The following ING5 variants were observed in gnomAD, a reference collection of about 807,000 sequenced individuals.
The protein encoded by ING5 is inhibitor of growth family member 5, also known as inhibitor of growth protein 5.
ING5 carries 17 observed loss-of-function variants against 37.4 expected under a neutral mutation model. That is an observed-to-expected ratio of 0.45 (90% CI 0.31 to 0.68). ING5 has a LOEUF of 0.68. Among genes scored for constraint, ING5 ranks in the 30% least tolerant of loss-of-function variants. ING5 has a pLI of 0.05. For missense variants in ING5, 233 were observed against 311.9 expected, an observed-to-expected ratio of 0.75 and a Z score of 1.91; for synonymous variants, 123 against 116.6, an observed-to-expected ratio of 1.06 and a Z score of -0.36.
In ING5 at chr2:241,725,992, G is replaced by A. The variant is rs1691608460; in HGVS notation, c.*961G>A. 1 of 152,634 alleles carries A rather than the reference G, an allele frequency of 6.6e-6. No homozygotes were observed. The highest frequency in any genetic ancestry group is 1.5e-5 in the Non-Finnish European group (1 of 68,032). 9.5% of individuals were successfully genotyped at this position (152,634 alleles called of 1,614,324 possible). A position where few individuals can be genotyped will look rare whatever the true frequency, so the allele number is the denominator to read the frequency against. Reference sequence around the variant, plus strand: ...AATAGCAGTTCTGGAATGAAGCTAGGAAACTCGAGTGTGCTTTTTGTTTAA... The same window carrying A: ...AATAGCAGTTCTGGAATGAAGCTAGAAAACTCGAGTGTGCTTTTTGTTTAA... On this transcript the variant is annotated 3_prime_UTR_variant, in exon 8 of 8. Coordinates refer to ENST00000313552, the MANE Select transcript of ING5 (RefSeq NM_032329.6).
At chr2:241,691,464 A>C (rs1296452987) in intron 2 of ING5, among the ~76,000 whole-genome samples, 3 of 151,824 alleles carry the variant, frequency 2.0e-5, no homozygotes, top group African/African-American at 7.3e-5. Context: ...AAACAAAAAA[A>C]CTGAAGGAGC....
chr2:241,722,179 C>T (rs914522137), intron 5 of ING5: 19 of 985,238 alleles, frequency 1.9e-5, no homozygotes, highest in Admixed American at 1.8e-4. Flanking sequence ...GTTGACTGTG[C>T]GGGCTGCTCT....
At chr2:241,711,945 A>G (rs1302238167) in intron 4 of ING5, 33 bp from the exon 5 acceptor site, 6 of 1,524,820 alleles carry the variant, frequency 3.9e-6, no homozygotes, top group Admixed American at 4.5e-5. Flanking sequence ...AGAGAATTCT[A>G]TAAAAATAAT....
In ING5 at chr2:241,691,629, A is replaced by G. The variant is rs563638586; in HGVS notation, c.43+976A>G. ...ATAGGCATTTATTGGCTGGAAGTCCAAGATTAAGGTGCCCGACAGATTGCT... is the reference window on the plus strand; with the variant it reads ...ATAGGCATTTATTGGCTGGAAGTCCGAGATTAAGGTGCCCGACAGATTGCT... On this transcript the variant is annotated intron_variant, in intron 2 of 7. Coordinates refer to the ING5 transcript ENST00000636051. Among the ~76,000 whole-genome samples the G allele has an allele frequency of 1.2e-3, 180 of 152,276 alleles. 1 individual carries two copies. Among genetic ancestry groups the G allele is most frequent in the African/African-American group, 4.0e-3 (168 of 41,558 alleles).
chr2:241,699,008 G>T (rs189146786), upstream of ING5, among the ~76,000 whole-genome samples: 1 of 145,264 alleles, frequency 6.9e-6, no homozygotes, highest in Non-Finnish European at 1.5e-5. Context: ...GATTACAGGC[G>T]TGAGCCACCA....
chr2:241,708,029 C>T (rs2069978374), intron 2 of ING5, among the ~76,000 whole-genome samples: 1 of 152,148 alleles, frequency 6.6e-6, no homozygotes, highest in South Asian at 2.1e-4. Flanking sequence ...TCCTGAGTAG[C>T]TGGGACCATA....
chr2:241,702,161 C>G (rs929218396), intron 1 of ING5, 59 bp downstream of exon 1: 6 of 1,079,364 alleles, frequency 5.6e-6, no homozygotes, highest in Non-Finnish European at 4.6e-6. Context: ...CGTGCCGCAG[C>G]CCCCCGCGCG....
At chr2:241,712,245 G>A in intron 5 of ING5, 174 bp downstream of exon 5, 1 of 578,360 alleles carries the variant, frequency 1.7e-6, no homozygotes. Context: ...AGCCTTTGAG[G>A]GGGTGCCGTT....
intron 2 of ING5, 122 bp from the exon 3 acceptor site, chr2:241,709,094 G>GGGACAGCACAGGCTGACAC: frequency 9.7e-7 from 1 of 1,036,002 alleles, no homozygotes; most frequent in Non-Finnish European, 1.4e-6. Context: ...AGCACAGCGT[G>GGGACAGCACAGGCTGACAC]AGTTCATGTC....
chr2:241,693,718 C>T (rs188554544), intron 2 of ING5, among the ~76,000 whole-genome samples: 5 of 126,570 alleles, frequency 4.0e-5, no homozygotes, highest in African/African-American at 1.2e-4. Flanking sequence ...AGTGCAATGG[C>T]GCAGTCTCGG....
Position 241,709,219 on chromosome 2 carries a change from A to G in ING5, c.113A>G (p.Lys38Arg). ...TTTTCCCCCATTTCTCCATCAGATAAGAAAGCAGAGATTGACATCCTGGCT... is the reference window on the plus strand; with the variant it reads ...TTTTCCCCCATTTCTCCATCAGATAGGAAAGCAGAGATTGACATCCTGGCT... ...MRELDQRTEDKKAEIDILAAE... is the reference protein window; with the variant it reads ...MRELDQRTEDRKAEIDILAAE... Residue 38 changes from lysine to arginine, a missense_variant, in exon 3 of 8, where the codon AAG becomes AGG. By Grantham distance (26) the Lys-to-Arg change is conservative. This residue lies in a region of ING5 where 93 missense variants were observed against 99.7 expected (regional missense o/e 0.93). Coordinates refer to ENST00000313552, the MANE Select transcript of ING5 (RefSeq NM_032329.6). 6.2e-7 allele frequency: 1 copy of G among 1,610,434 alleles called. No individual in the cohort carries two copies. The highest frequency in any genetic ancestry group is 8.5e-7 in the Non-Finnish European group (1 of 1,177,860).
chr2:241,708,852 A>G (rs530509128), intron 2 of ING5, among the ~76,000 whole-genome samples: 50 of 152,150 alleles, frequency 3.3e-4, no homozygotes, highest in African/African-American at 1.2e-3. Flanking sequence ...TTCTTTCTTG[A>G]CTGCTCTACC....
intron 5 of ING5, among the ~76,000 whole-genome samples, chr2:241,718,297 C>T (rs1377986959): frequency 4.0e-5 from 6 of 150,336 alleles, no homozygotes; most frequent in East Asian, 2.0e-4. Context: ...TCTTTCTTTC[C>T]TTCCTTCCTT....
intron 5 of ING5, among the ~76,000 whole-genome samples, chr2:241,714,761 G>T (rs753259395): frequency 6.6e-6 from 1 of 151,896 alleles, no homozygotes; most frequent in Non-Finnish European, 1.5e-5. Flanking sequence ...GCGCCACTAT[G>T]CCTGGCTAAT....
In ING5 at chr2:241,728,550, C is replaced by G. The variant is rs1691709324; in HGVS notation, c.*3519C>G. 6.5e-6 allele frequency: 1 copy of G among 152,722 alleles called. No homozygotes were observed. The highest frequency in any genetic ancestry group is 2.4e-5 in the African/African-American group (1 of 41,468). 9.5% of individuals were successfully genotyped at this position (152,722 alleles called of 1,614,324 possible). A position where few individuals can be genotyped will look rare whatever the true frequency, so the allele number is the denominator to read the frequency against. ...AGGAAATCCTGTAGGGGAAGGCAGG[C>G]TGCAGTGAAAACAGGAGCTGGTGAA... On this transcript the variant is annotated 3_prime_UTR_variant, in exon 8 of 8. Coordinates refer to ENST00000313552, the MANE Select transcript of ING5 (RefSeq NM_032329.6).
Position 241,709,191 on chromosome 2 carries a change from A to G in ING5, c.110-25A>G, listed in dbSNP as rs376063287. 1.4e-5 allele frequency: 23 copies of G among 1,600,656 alleles called. No homozygotes were observed. In the African/African-American group the frequency reaches 2.7e-4, roughly 19 times the overall value. ...ACATCATGGTGTCTTGTGCAGGGCT[A>G]GCTTTTCCCCCATTTCTCCATCAGA... is the stretch of plus-strand genomic sequence containing the variant. On this transcript the variant is annotated intron_variant, in intron 2 of 7. Coordinates refer to ENST00000313552, the MANE Select transcript of ING5 (RefSeq NM_032329.6).
At chr2:241,722,853 A>T (rs1016760907) in intron 5 of ING5, 86 bp from the exon 6 acceptor site, 7 of 1,576,862 alleles carry the variant, frequency 4.4e-6, no homozygotes, top group Non-Finnish European at 6.0e-6. Context: ...GGGGGCCTTA[A>T]GTCAGAGACA....
At chr2:241,723,413 C>A in intron 7 of ING5, 142 bp downstream of exon 7, 1 of 916,694 alleles carries the variant, frequency 1.1e-6, no homozygotes, top group Non-Finnish European at 1.8e-6. Context: ...CCCACTGTGG[C>A]CTCAAGGAGT....
rs1249490541 is a variant in ING5 at position 241,728,843 on chromosome 2, G to C, written c.*3812G>C. The C allele has an allele frequency of 2.0e-5, 3 of 152,326 alleles. No individual in the cohort carries two copies. The highest frequency in any genetic ancestry group is 4.4e-5 in the Non-Finnish European group (3 of 68,090). The allele number at this position is 152,326 out of a possible 1,614,324, so 9.4% of individuals were successfully genotyped here. ...TTTTCCAGTCTGCCTGGAGCAGCGAGAAGCAGCTGTGCAGACTGGTGGCGG... is the reference window on the plus strand; with the variant it reads ...TTTTCCAGTCTGCCTGGAGCAGCGACAAGCAGCTGTGCAGACTGGTGGCGG... On this transcript the variant is annotated 3_prime_UTR_variant, in exon 8 of 8. Coordinates refer to ENST00000313552, the MANE Select transcript of ING5 (RefSeq NM_032329.6).
Sources: gnomAD v4.1 joint callset for allele counts (sites outside exome capture counted in the v4.1 genomes callset) on GRCh38, gnomAD v4.1.1 for gene constraint, gnomAD v4.1.1 regional missense constraint, MANE v1.5 for transcripts, NCBI Gene and HGNC (gene_info 2026-07-23, HGNC 2026-07-21) for gene names.